BEND6: variants seen among roughly 807,000 people sequenced by gnomAD.
BEND6 encodes BEN domain containing 6.
In BEND6, 24 loss-of-function variants were observed where a neutral mutation model predicts 31.8. The observed-to-expected ratio is 0.75, with a 90% confidence interval of 0.55 to 1.06. The LOEUF is 1.06. BEND6 is among the 50% of genes least tolerant of loss of function. BEND6 has a pLI of 0.00. For synonymous variants in BEND6, 109 were observed against 114.6 expected (o/e 0.95, Z 0.31); for missense variants, 294 against 327.4 (o/e 0.90, Z 0.79).
intron 1 of BEND6, among the ~76,000 whole-genome samples, chr6:56,961,153 C>A (rs1468661615): frequency 6.6e-6 from 1 of 152,182 alleles, no homozygotes; most frequent in Admixed American, 6.6e-5. Flanking sequence ...TCATGCAAAT[C>A]CACATAGGTA....
At chr6:57,014,654 C>T in intron 3 of BEND6, 1 of 679,624 alleles carries the variant, frequency 1.5e-6, no homozygotes, top group South Asian at 2.7e-5. Flanking sequence ...AATTTGACTC[C>T]CTTGTAAACC....
At chr6:57,004,348 G>T (rs1324912165) in intron 3 of BEND6, among the ~76,000 whole-genome samples, 1 of 152,098 alleles carries the variant, frequency 6.6e-6, no homozygotes, top group African/African-American at 2.4e-5. Flanking sequence ...ATAAATGTAG[G>T]CCAGACTTTC....
At chr6:57,022,777 A>T (rs1593034412) in intron 6 of BEND6, among the ~76,000 whole-genome samples, 1 of 151,974 alleles carries the variant, frequency 6.6e-6, no homozygotes, top group East Asian at 1.9e-4. Context: ...ATTGCTACAA[A>T]CTTCCATCTC....
In BEND6 at chr6:56,980,110, C is replaced by T. The variant is rs189853503; in HGVS notation, c.-100-1601C>T. Among the ~76,000 whole-genome samples the T allele has an allele frequency of 2.6e-5, 4 of 152,298 alleles. No individual in the cohort carries two copies. In the East Asian group the frequency reaches 5.8e-4, roughly 22 times the overall value. The stretch of plus-strand genomic sequence containing the variant: ...AGTGCATGATGTGAGAAGGAAGGAG[C>T]TAGGAAGCCAGCAGGGATTCCCTGG... On this transcript the variant is annotated intron_variant, in intron 1 of 6. Coordinates refer to ENST00000370746, the MANE Select transcript of BEND6 (RefSeq NM_152731.3).
intron 1 of BEND6, among the ~76,000 whole-genome samples, chr6:56,974,733 A>G (rs921156714): frequency 2.6e-5 from 4 of 152,238 alleles, no homozygotes; most frequent in Admixed American, 2.6e-4. Flanking sequence ...TTTAATTAGA[A>G]AAATTATTTA....
chr6:56,961,889 A>G (rs1825298829), intron 1 of BEND6, among the ~76,000 whole-genome samples: 1 of 152,178 alleles, frequency 6.6e-6, no homozygotes, highest in South Asian at 2.1e-4. Flanking sequence ...CCAGCTGTTC[A>G]GCTTCACCTA....
intron 2 of BEND6, among the ~76,000 whole-genome samples, chr6:56,989,316 A>G (rs1328447015): frequency 6.6e-6 from 1 of 152,090 alleles, no homozygotes; most frequent in African/African-American, 2.4e-5. Context: ...TTCACTATCA[A>G]TGCTGTATAA....
At position 56,981,800 on chromosome 6, in the gene BEND6, T is replaced by A; in HGVS notation, c.-11T>A. 1 of 1,611,548 alleles carries A rather than the reference T, an allele frequency of 6.2e-7. No individual in the cohort carries two copies. Among genetic ancestry groups the A allele is most frequent in the Non-Finnish European group, 8.5e-7 (1 of 1,178,982 alleles). On this transcript the variant is annotated 5_prime_UTR_variant, in exon 2 of 7. Transcript: ENST00000370746. ...AGGATTTCAGAAAACCTTTGATAAC[T>A]AATTGAGAAAATGCAGAAGATCGTG...
intron 1 of BEND6, among the ~76,000 whole-genome samples, chr6:56,964,861 A>G (rs1401127068): frequency 6.6e-6 from 1 of 152,120 alleles, no homozygotes; most frequent in Non-Finnish European, 1.5e-5. Context: ...CACTCTACCC[A>G]TCTATCCATC....
At chr6:57,015,678 A>G (rs1363182590) in intron 4 of BEND6, among the ~76,000 whole-genome samples, 1 of 151,478 alleles carries the variant, frequency 6.6e-6, no homozygotes, top group Non-Finnish European at 1.5e-5. Context: ...GATGACGGGC[A>G]CCTGTAGTCC....
At chr6:56,970,680 A>T (rs1339970232) in intron 1 of BEND6, among the ~76,000 whole-genome samples, 1 of 152,178 alleles carries the variant, frequency 6.6e-6, no homozygotes, top group East Asian at 1.9e-4. Context: ...GTTCCTTCTG[A>T]ATTTGCTAAT....
intron 3 of BEND6, among the ~76,000 whole-genome samples, chr6:56,995,733 A>G (rs1000885419): frequency 1.3e-5 from 2 of 152,210 alleles, no homozygotes; most frequent in Non-Finnish European, 2.9e-5. Context: ...GCCCACCCTA[A>G]TGACCTCATT....
At chr6:56,959,274 C>A (rs1825206663) in intron 1 of BEND6, among the ~76,000 whole-genome samples, 1 of 152,186 alleles carries the variant, frequency 6.6e-6, no homozygotes, top group Non-Finnish European at 1.5e-5. Context: ...CCCATCTAAT[C>A]TGGCTACTAG....
chr6:56,971,668 G>C (rs1375758018), intron 1 of BEND6, among the ~76,000 whole-genome samples: 1 of 152,062 alleles, frequency 6.6e-6, no homozygotes, highest in Non-Finnish European at 1.5e-5. Flanking sequence ...CATCCTAATG[G>C]CTATGAAGTA....
chr6:56,955,323 G>C lies in BEND6; in HGVS notation c.-238G>C, dbSNP rs1412680124. 1 of 152,280 alleles carries C rather than the reference G, an allele frequency of 6.6e-6. No homozygotes were observed. Among genetic ancestry groups the C allele is most frequent in the Admixed American group, 6.5e-5 (1 of 15,282 alleles). 9.4% of individuals were successfully genotyped at this position (152,280 alleles called of 1,614,324 possible). On this transcript the variant is annotated 5_prime_UTR_variant, in exon 1 of 7. Transcript: ENST00000370746. Reference sequence around the variant, plus strand: ...AGCCTCCCTCGGCCAAATTGCTGCGGAGCCCGTCGTCAGGGGGCGCCAAGG... The same window carrying C: ...AGCCTCCCTCGGCCAAATTGCTGCGCAGCCCGTCGTCAGGGGGCGCCAAGG...
intron 3 of BEND6, chr6:57,004,762 CT>C (rs1827092284): frequency 4.6e-6 from 5 of 1,079,046 alleles, no homozygotes; most frequent in Non-Finnish European, 7.1e-6. Flanking sequence ...GACACATCAC[CT>C]GAATGAGCAG....
intron 3 of BEND6, among the ~76,000 whole-genome samples, chr6:57,002,734 AG>A (rs1826991503): frequency 6.6e-6 from 1 of 152,194 alleles, no homozygotes; most frequent in South Asian, 2.1e-4. Context: ...AAAAGTTTAT[AG>A]TACTAAACAT....
At chr6:56,973,415 G>A (rs1825758235) in intron 1 of BEND6, among the ~76,000 whole-genome samples, 1 of 152,104 alleles carries the variant, frequency 6.6e-6, no homozygotes, top group African/African-American at 2.4e-5. Flanking sequence ...GAAACAGTGG[G>A]TTGTACCGAA....
chr6:56,969,853 T>C (rs1334616159), intron 1 of BEND6, among the ~76,000 whole-genome samples: 1 of 152,174 alleles, frequency 6.6e-6, no homozygotes, highest in East Asian at 1.9e-4. Context: ...TTCCATTAAT[T>C]ACAAAACTCC....
Sources: gnomAD v4.1 joint callset for allele counts (sites outside exome capture counted in the v4.1 genomes callset) on GRCh38, gnomAD v4.1.1 for gene constraint, MANE v1.5 for transcripts, NCBI Gene and HGNC (gene_info 2026-07-23, HGNC 2026-07-21) for gene names.